Variants in DPYD observed in about 807,000 individuals in gnomAD.
The protein encoded by DPYD is dihydropyrimidine dehydrogenase.
Under a neutral mutation model 116.2 loss-of-function variants are expected in DPYD, and 109 were observed. That is an observed-to-expected ratio of 0.94 (90% confidence interval 0.80 to 1.10). The LOEUF (loss-of-function observed/expected upper bound fraction) is 1.10, where lower values mean the gene tolerates loss of function less well. Ranked by LOEUF, DPYD falls within the 50% of genes least tolerant of loss-of-function variation. The probability of loss-of-function intolerance (pLI) is 0.00; values close to 1 mark genes in which losing one functional copy is unlikely to be tolerated. For synonymous variants in DPYD, 440 were observed against 432.0 expected, an observed-to-expected ratio of 1.02 and a Z score of -0.23; for missense variants, 1,302 against 1,254.5, an observed-to-expected ratio of 1.04 and a Z score of -0.57.
chr1:97,498,891 A>G (rs1358965982), intron 13 of DPYD, among the ~76,000 whole-genome samples: 1 of 151,714 alleles, frequency 6.6e-6, no homozygotes, highest in East Asian at 1.9e-4. Flanking sequence ...ACAACATTGA[A>G]ATTTATTTGT....
At chr1:97,883,220 G>T (rs773497032) in intron 2 of DPYD, 44 bp downstream of exon 2, 3 of 1,321,532 alleles carry the variant, frequency 2.3e-6, no homozygotes, top group African/African-American at 1.4e-5. Flanking sequence ...AATGTGTGGA[G>T]TGAGGTAATT....
chr1:97,368,965 A>G (rs1386844753), intron 16 of DPYD, among the ~76,000 whole-genome samples: 1 of 152,188 alleles, frequency 6.6e-6, no homozygotes, highest in African/African-American at 2.4e-5. Context: ...TTTTAAAAAC[A>G]CAACAACCAC....
At chr1:97,105,038 T>C (rs913725524) in intron 20 of DPYD, among the ~76,000 whole-genome samples, 1 of 152,150 alleles carries the variant, frequency 6.6e-6, no homozygotes, top group Non-Finnish European at 1.5e-5. Flanking sequence ...TTGAGTCATA[T>C]TCAAAGGAAC....
intron 10 of DPYD, among the ~76,000 whole-genome samples, chr1:97,586,465 CATATATATAT>C (rs57301424): frequency 0.074 from 2,521 of 34,220 alleles, 117 homozygotes; most frequent in Middle Eastern, 0.14. Context: ...TACATACATA[CATATATATAT>C]ATATATATAT....
rs528817782 is a variant in DPYD, at chr1:97,878,775, T to A, written c.150+4489A>T. On this transcript the variant is annotated intron_variant, in intron 2 of 22. Coordinates refer to ENST00000370192, the MANE Select transcript of DPYD (RefSeq NM_000110.4). The stretch of plus-strand genomic sequence containing the variant: ...ACACTGATCATTAAAACGCCTTAAC[T>A]GTTCTTCCTTCAAAAGAGTATTATT... Among the ~76,000 whole-genome samples, 18 of 152,094 alleles carry A rather than the reference T, an allele frequency of 1.2e-4. No individual in the cohort carries two copies. The South Asian group carries it at 3.5e-3, about 30-fold the overall frequency.
chr1:97,156,329 A>G (rs1655454416), intron 20 of DPYD, among the ~76,000 whole-genome samples: 1 of 152,168 alleles, frequency 6.6e-6, no homozygotes. Flanking sequence ...GTAAACAGGC[A>G]ACCTACAAAA....
chr1:97,602,278 A>G lies in DPYD; in HGVS notation c.851-7112T>C, dbSNP rs182202823. Among the ~76,000 whole-genome samples, 602 of 152,142 alleles carry G rather than the reference A, an allele frequency of 4.0e-3. 2 individuals are homozygous for G. Among genetic ancestry groups the G allele is most frequent in the Admixed American group, 6.5e-3 (100 of 15,288 alleles). ...ATTTTTATGAAGTTATAGTATTTCA[A>G]TTGGCTTCTATACTTCATGTAGAAA... On this transcript the variant is annotated intron_variant, in intron 8 of 22. Coordinates refer to ENST00000370192, the MANE Select transcript of DPYD (RefSeq NM_000110.4).
At chr1:97,879,644 A>G (rs1438255643) in intron 2 of DPYD, among the ~76,000 whole-genome samples, 1 of 151,962 alleles carries the variant, frequency 6.6e-6, no homozygotes, top group South Asian at 2.1e-4. Context: ...TAGTACTAGA[A>G]GAATATTAAA....
intron 3 of DPYD, among the ~76,000 whole-genome samples, chr1:97,803,720 T>C (rs941176679): frequency 1.3e-5 from 2 of 151,890 alleles, no homozygotes; most frequent in Non-Finnish European, 2.9e-5. Context: ...AGTTAAAATT[T>C]CCTTGTATAT....
intron 8 of DPYD, among the ~76,000 whole-genome samples, chr1:97,650,365 T>C (rs2100840061): frequency 6.6e-6 from 1 of 152,310 alleles, no homozygotes; most frequent in East Asian, 1.9e-4. Flanking sequence ...AATCTTGTAA[T>C]GTATTCAATC....
chr1:97,471,049 G>A (rs1482464195), intron 13 of DPYD, among the ~76,000 whole-genome samples: 6 of 152,142 alleles, frequency 3.9e-5, no homozygotes, highest in Non-Finnish European at 5.9e-5. Flanking sequence ...AATGGGAAAG[G>A]ATTTGAGCTG....
intron 20 of DPYD, among the ~76,000 whole-genome samples, chr1:97,100,668 C>T (rs911867369): frequency 3.2e-4 from 48 of 152,068 alleles, no homozygotes; most frequent in Admixed American, 6.6e-5. Context: ...TTTAATCTAT[C>T]TTCCTTTAAA....
chr1:97,682,285 G>T (rs1660464628), intron 7 of DPYD, among the ~76,000 whole-genome samples: 1 of 151,904 alleles, frequency 6.6e-6, no homozygotes. Context: ...AGACCAGCAA[G>T]ACTTGACTTT....
intron 8 of DPYD, among the ~76,000 whole-genome samples, chr1:97,677,892 C>T (rs1024279615): frequency 5.3e-5 from 8 of 152,154 alleles, no homozygotes. Flanking sequence ...AGCTGCAAAA[C>T]AAACATTACT....
chr1:97,261,722 C>T, intron 18 of DPYD, among the ~76,000 whole-genome samples: 1 of 151,946 alleles, frequency 6.6e-6, no homozygotes, highest in Non-Finnish European at 1.5e-5. Flanking sequence ...AGGCATTTGG[C>T]ATACATTAGC....
intron 14 of DPYD, among the ~76,000 whole-genome samples, chr1:97,387,877 C>T (rs1319837735): frequency 6.6e-6 from 1 of 152,058 alleles, no homozygotes; most frequent in East Asian, 1.9e-4. Flanking sequence ...GCTCTGAACC[C>T]TGTGGGAGAT....
intron 19 of DPYD, among the ~76,000 whole-genome samples, chr1:97,201,237 C>A (rs1176126281): frequency 6.6e-6 from 1 of 152,026 alleles, no homozygotes; most frequent in Non-Finnish European, 1.5e-5. Flanking sequence ...TTGGATGACC[C>A]ACTTAAAATT....
intron 17 of DPYD, 41 bp from the exon 18 acceptor site, chr1:97,305,419 G>A (rs370800038): frequency 1.2e-6 from 2 of 1,611,004 alleles, no homozygotes; most frequent in Admixed American, 3.3e-5. Flanking sequence ...GCTCTTATAA[G>A]ACACGATAGT....
At chr1:97,296,748 T>G (rs1241897296) in intron 18 of DPYD, among the ~76,000 whole-genome samples, 1 of 152,006 alleles carries the variant, frequency 6.6e-6, no homozygotes, top group Non-Finnish European at 1.5e-5. Context: ...GATGTTCAAA[T>G]TTTAAAAAAA....
Sources: gnomAD v4.1 joint callset for allele counts (sites outside exome capture counted in the v4.1 genomes callset) on GRCh38, gnomAD v4.1.1 for gene constraint, MANE v1.5 for transcripts, NCBI Gene and HGNC (gene_info 2026-07-23, HGNC 2026-07-21) for gene names.